ARSK: variants seen among roughly 807,000 people sequenced by gnomAD.
The protein encoded by ARSK is arylsulfatase K.
ARSK carries 37 observed loss-of-function variants against 53.2 expected under a neutral mutation model. That is an observed-to-expected ratio of 0.70 (90% CI 0.54 to 0.92). The LOEUF (loss-of-function observed/expected upper bound fraction) is 0.92, where lower values mean the gene tolerates loss of function less well. ARSK is among the 40% of genes least tolerant of loss of function. The pLI is 0.00. For missense variants in ARSK, 613 were observed against 643.0 expected, an observed-to-expected ratio of 0.95 and a Z score of 0.51; for synonymous variants, 208 against 223.2, an observed-to-expected ratio of 0.93 and a Z score of 0.61.
chr5:95,571,081 A>G (rs1438846602), intron 3 of ARSK, among the ~76,000 whole-genome samples: 1 of 152,164 alleles, frequency 6.6e-6, no homozygotes, highest in Non-Finnish European at 1.5e-5. Context: ...GCACCCGGCC[A>G]TAACCATCAT....
chr5:95,575,885 C>T (rs1561363826), intron 3 of ARSK, among the ~76,000 whole-genome samples: 1 of 152,166 alleles, frequency 6.6e-6, no homozygotes, highest in East Asian at 1.9e-4. Flanking sequence ...TTATTTCTTT[C>T]TCTTATCTTA....
chr5:95,569,621 C>T (rs987019384), intron 3 of ARSK, among the ~76,000 whole-genome samples: 1 of 152,172 alleles, frequency 6.6e-6, no homozygotes, highest in Non-Finnish European at 1.5e-5. Context: ...AAAATTCTGC[C>T]AGAGTCTTCA....
intron 1 of ARSK, 109 bp from the exon 2 acceptor site, chr5:95,565,889 T>G: frequency 5.8e-6 from 6 of 1,042,672 alleles, no homozygotes; most frequent in Non-Finnish European, 6.7e-6. Context: ...CTTTGGAGGA[T>G]TCTTAAAATC....
chr5:95,594,803 G>A (rs1430493090), intron 6 of ARSK, among the ~76,000 whole-genome samples: 1 of 151,146 alleles, frequency 6.6e-6, no homozygotes, highest in Non-Finnish European at 1.5e-5. Context: ...TCGTGCCACT[G>A]CACTCCAGCC....
intron 1 of ARSK, among the ~76,000 whole-genome samples, chr5:95,563,059 C>T (rs1748668909): frequency 6.6e-6 from 1 of 152,178 alleles, no homozygotes; most frequent in African/African-American, 2.4e-5. Flanking sequence ...GACCGTCTCC[C>T]ATTGATACCA....
intron 6 of ARSK, 56 bp downstream of exon 6, chr5:95,591,681 G>T: frequency 6.4e-7 from 1 of 1,551,608 alleles, no homozygotes; most frequent in Non-Finnish European, 8.9e-7. Context: ...GAATGCAACT[G>T]AAGTTGTCAG....
intron 6 of ARSK, among the ~76,000 whole-genome samples, chr5:95,595,600 A>G (rs1052864293): frequency 3.3e-5 from 5 of 151,586 alleles, no homozygotes; most frequent in Admixed American, 2.6e-4. Flanking sequence ...TCTCACTTAT[A>G]AGTGAGAACT....
intron 1 of ARSK, among the ~76,000 whole-genome samples, chr5:95,560,756 A>AGTCTTT (rs1401230874): frequency 1.3e-5 from 2 of 151,992 alleles, no homozygotes; most frequent in Non-Finnish European, 2.9e-5. Context: ...CATAGGTGTA[A>AGTCTTT]GTCTTTGTGA....
intron 6 of ARSK, among the ~76,000 whole-genome samples, chr5:95,595,931 TTTTTG>T: frequency 6.6e-6 from 1 of 152,352 alleles, no homozygotes; most frequent in South Asian, 2.1e-4. Context: ...CAAATTGATG[TTTTTG>T]TTTTGTTTTG....
At chr5:95,574,072 C>G (rs761137508) in intron 3 of ARSK, among the ~76,000 whole-genome samples, 4 of 152,100 alleles carry the variant, frequency 2.6e-5, no homozygotes, top group Admixed American at 6.5e-5. Context: ...ATTTTCAGCT[C>G]CCACAAATAA....
At chr5:95,565,319 G>A (rs1308398123) in intron 1 of ARSK, among the ~76,000 whole-genome samples, 1 of 152,162 alleles carries the variant, frequency 6.6e-6, no homozygotes, top group Non-Finnish European at 1.5e-5. Flanking sequence ...CTGAGCTCAA[G>A]CTATCCTCCC....
chr5:95,572,982 G>T (rs1436158458), intron 3 of ARSK, among the ~76,000 whole-genome samples: 1 of 152,068 alleles, frequency 6.6e-6, no homozygotes, highest in African/African-American at 2.4e-5. Flanking sequence ...GCTGGCATCT[G>T]GTGGGTAGAG....
rs1049518680 is a variant in ARSK at position 95,603,464 on chromosome 5, A to G, written c.1549A>G (p.Arg517Gly). 5.6e-6 allele frequency: 9 copies of G among 1,613,322 alleles called. No homozygotes were observed. The African/African-American group carries it at 1.2e-4, about 22-fold the overall frequency. ...GCACCAAGACTGGCAGAAGGAACCA[A>G]GGAAGTATGAAAATGCAATTGATCA... ...RWHQDWQKEP[R>G]KYENAIDQWL... Residue 517 changes from arginine to glycine, a missense_variant, in exon 8 of 8, where the codon AGG becomes GGG. Arg to Gly is a moderately radical substitution (Grantham distance 125). Coordinates refer to ENST00000380009, the MANE Select transcript of ARSK (RefSeq NM_198150.3).
chr5:95,586,523 A>G, intron 4 of ARSK, 39 bp from the exon 5 acceptor site: 2 of 1,522,714 alleles, frequency 1.3e-6, no homozygotes, highest in African/African-American at 1.4e-5. Context: ...AAATAGCACT[A>G]TTTTGCTAGC....
chr5:95,578,906 T>G (rs2112429080), intron 3 of ARSK, among the ~76,000 whole-genome samples: 1 of 152,368 alleles, frequency 6.6e-6, no homozygotes, highest in East Asian at 1.9e-4. Context: ...AATATACAAA[T>G]TTATGTAAAA....
intron 6 of ARSK, among the ~76,000 whole-genome samples, chr5:95,599,677 G>T (rs755591512): frequency 5.3e-5 from 8 of 152,016 alleles, no homozygotes; most frequent in Non-Finnish European, 8.8e-5. Flanking sequence ...ATTTTGATTG[G>T]TTGGCAGAAA....
chr5:95,580,113 A>G (rs146190600), intron 3 of ARSK, among the ~76,000 whole-genome samples: 16 of 152,300 alleles, frequency 1.1e-4, no homozygotes, highest in Non-Finnish European at 5.9e-5. Flanking sequence ...TTATATTGAG[A>G]ACAGCCATTG....
intron 3 of ARSK, among the ~76,000 whole-genome samples, chr5:95,578,633 A>G (rs189449197): frequency 1.3e-3 from 204 of 152,320 alleles, no homozygotes; most frequent in Non-Finnish European, 2.3e-3. Flanking sequence ...AACAATGAGA[A>G]AAAGAGAGAG....
intron 6 of ARSK, among the ~76,000 whole-genome samples, chr5:95,596,367 ATTAG>A (rs942854403): frequency 6.6e-6 from 1 of 152,162 alleles, no homozygotes; most frequent in Non-Finnish European, 1.5e-5. Flanking sequence ...TCCTTTCTTT[ATTAG>A]TTTAGCTGTA....
Sources: allele counts gnomAD v4.1 joint callset (sites outside exome capture counted in the v4.1 genomes callset), GRCh38; gene constraint gnomAD v4.1.1; transcripts MANE v1.5; gene names NCBI Gene and HGNC (gene_info 2026-07-23, HGNC 2026-07-21).